Variants in XKR4 observed in about 807,000 individuals in gnomAD.
XKR4 encodes XK-related protein 4.
In XKR4, 12 loss-of-function variants were observed where a neutral mutation model predicts 53.9. That is an observed-to-expected ratio of 0.22 (90% confidence interval 0.14 to 0.36). The LOEUF (loss-of-function observed/expected upper bound fraction) is 0.36, where lower values mean the gene tolerates loss of function less well. XKR4 is among the 10% of genes least tolerant of loss of function. The pLI is 1.00. For missense variants in XKR4, 799 were observed against 859.5 expected (o/e 0.93, Z 0.88); for synonymous variants, 354 against 362.4 (o/e 0.98, Z 0.26).
intron 2 of XKR4, among the ~76,000 whole-genome samples, chr8:55,392,847 G>A (rs1341727330): frequency 6.6e-6 from 1 of 152,072 alleles, no homozygotes; most frequent in South Asian, 2.1e-4. Context: ...GAGGGGAAGA[G>A]TGGACCTTAT....
intron 2 of XKR4, among the ~76,000 whole-genome samples, chr8:55,471,186 A>G (rs758107811): frequency 3.9e-5 from 6 of 152,164 alleles, no homozygotes; most frequent in Non-Finnish European, 8.8e-5. Context: ...TGGACAGTAC[A>G]TGTGAACAGT....
Position 55,224,617 on chromosome 8 carries a change from T to G in XKR4, c.806+121323T>G, listed in dbSNP as rs75448869. On this transcript the variant is annotated intron_variant, in intron 1 of 2. Coordinates refer to ENST00000327381, the MANE Select transcript of XKR4 (RefSeq NM_052898.2). ...TCATGAGAATTTGATGTTCAATATT[T>G]CGGGATAAAAAAGAATGGCCTAATG... 8.7e-3 allele frequency among the ~76,000 whole-genome samples: 1,329 copies of G among 152,298 alleles called. 14 individuals carry two copies. Among genetic ancestry groups the G allele is most frequent in the Middle Eastern group, 0.031 (9 of 294 alleles).
At chr8:55,248,040 A>G (rs1818311246) in intron 1 of XKR4, among the ~76,000 whole-genome samples, 1 of 151,342 alleles carries the variant, frequency 6.6e-6, no homozygotes, top group Non-Finnish European at 1.5e-5. Context: ...TATTTTTAGT[A>G]GAGATGGGGT....
chr8:55,387,481 G>A (rs1291803977), intron 2 of XKR4, among the ~76,000 whole-genome samples: 3 of 152,204 alleles, frequency 2.0e-5, no homozygotes, highest in Non-Finnish European at 4.4e-5. Context: ...TCCCTAGGCA[G>A]AATCTGTGTA....
At chr8:55,349,788 G>T (rs1803700891) in intron 1 of XKR4, among the ~76,000 whole-genome samples, 1 of 151,942 alleles carries the variant, frequency 6.6e-6, no homozygotes, top group African/African-American at 2.4e-5. Flanking sequence ...AGAAAATAAG[G>T]ACACTTATCA....
chr8:55,209,163 C>CACAATGA (rs1309678321), intron 1 of XKR4, among the ~76,000 whole-genome samples: 2 of 151,974 alleles, frequency 1.3e-5, no homozygotes, highest in Non-Finnish European at 1.5e-5. Flanking sequence ...CTCAATTCCA[C>CACAATGA]ACAATGAACG....
chr8:55,309,245 C>G (rs1402684947), intron 1 of XKR4, among the ~76,000 whole-genome samples: 3 of 152,128 alleles, frequency 2.0e-5, no homozygotes, highest in African/African-American at 7.2e-5. Context: ...GAAAAAGCAC[C>G]AACACTCACA....
rs537033046 is a variant in XKR4, at chr8:55,285,971, G to A, written c.807-71707G>A. Among the ~76,000 whole-genome samples the A allele has an allele frequency of 1.7e-4, 26 of 152,330 alleles. No individual in the cohort carries two copies. The East Asian group carries it at 4.8e-3, about 28-fold the overall frequency. ...TCTGAGTTTATTTTCTAATGCAGTT[G>A]AAAGCAGGCTCACAGGAATTCTACA... On this transcript the variant is annotated intron_variant, in intron 1 of 2. Coordinates refer to ENST00000327381, the MANE Select transcript of XKR4 (RefSeq NM_052898.2).
chr8:55,193,564 C>T (rs186515000), intron 1 of XKR4, among the ~76,000 whole-genome samples: 13 of 152,302 alleles, frequency 8.5e-5, no homozygotes, highest in African/African-American at 2.4e-4. Flanking sequence ...GGGGTCCATG[C>T]GCCTGTGCTC....
intron 1 of XKR4, among the ~76,000 whole-genome samples, chr8:55,321,990 AAAAC>A (rs71712943): frequency 1 from 151,620 of 151,670 alleles, 75,785 homozygotes; most frequent in Middle Eastern, 1. Flanking sequence ...TCCATCTCGA[AAAAC>A]AAACAAACAA....
chr8:55,113,784 G>A (rs1420841349), intron 1 of XKR4, among the ~76,000 whole-genome samples: 1 of 152,050 alleles, frequency 6.6e-6, no homozygotes, highest in African/African-American at 2.4e-5. Context: ...ATGTCCATGT[G>A]TACCCATTGT....
intron 2 of XKR4, among the ~76,000 whole-genome samples, chr8:55,370,754 G>C (rs1434575973): frequency 6.6e-6 from 1 of 152,250 alleles, no homozygotes; most frequent in East Asian, 1.9e-4. Context: ...CCAGGAGCTG[G>C]AAAATTCCGT....
At chr8:55,471,046 C>T (rs752432312) in intron 2 of XKR4, among the ~76,000 whole-genome samples, 4 of 152,092 alleles carry the variant, frequency 2.6e-5, no homozygotes, top group Non-Finnish European at 5.9e-5. Context: ...TATAGAGTTG[C>T]ACCATCCAGT....
chr8:55,354,556 G>C (rs1803771595), intron 1 of XKR4, among the ~76,000 whole-genome samples: 1 of 152,176 alleles, frequency 6.6e-6, no homozygotes. Flanking sequence ...GTGTGTTAGA[G>C]CTGTAAAACC....
intron 1 of XKR4, among the ~76,000 whole-genome samples, chr8:55,138,011 G>A (rs2129353842): frequency 6.6e-6 from 1 of 152,162 alleles, no homozygotes; most frequent in Non-Finnish European, 1.5e-5. Context: ...AAGTGTGGCT[G>A]TTTTTACATG....
chr8:55,449,994 C>A, intron 2 of XKR4: 1 of 816,278 alleles, frequency 1.2e-6, no homozygotes, highest in South Asian at 1.4e-5. Context: ...ACATACCCAG[C>A]GAGCAGCGGT....
At chr8:55,372,099 G>C (rs992283641) in intron 2 of XKR4, among the ~76,000 whole-genome samples, 2 of 152,174 alleles carry the variant, frequency 1.3e-5, no homozygotes, top group Non-Finnish European at 2.9e-5. Context: ...AATTAGTCAC[G>C]TGCTATGGCT....
intron 1 of XKR4, among the ~76,000 whole-genome samples, chr8:55,272,516 C>T (rs1818706216): frequency 6.6e-6 from 1 of 152,176 alleles, no homozygotes; most frequent in Non-Finnish European, 1.5e-5. Flanking sequence ...AGGATACAGG[C>T]TTAGAACCTC....
intron 2 of XKR4, 123 bp from the exon 3 acceptor site, chr8:55,523,158 A>AT: frequency 4.9e-6 from 4 of 815,496 alleles, no homozygotes; most frequent in Non-Finnish European, 5.6e-6. Flanking sequence ...AAAAAAAAAA[A>AT]GAAATTAAGA....
Sources: gnomAD v4.1 joint callset for allele counts (sites outside exome capture counted in the v4.1 genomes callset) on GRCh38, gnomAD v4.1.1 for gene constraint, MANE v1.5 for transcripts, NCBI Gene and HGNC (gene_info 2026-07-23, HGNC 2026-07-21) for gene names.